ACVR1: variants seen among roughly 807,000 people sequenced by gnomAD.
ACVR1 encodes the protein activin A receptor type 1, also known as activin receptor type-1.
Under a neutral mutation model 57.1 loss-of-function variants are expected in ACVR1, and 38 were observed. The ratio of observed to expected loss-of-function variants is 0.67; its 90% CI spans 0.51 to 0.87. The LOEUF (loss-of-function observed/expected upper bound fraction) is 0.87. Ranked by LOEUF, ACVR1 falls within the 40% of genes least tolerant of loss-of-function variation. ACVR1 has a pLI of 0.00. For missense variants in ACVR1, 463 were observed against 638.2 expected (o/e 0.73, Z 2.96); for synonymous variants, 212 against 228.1 (o/e 0.93, Z 0.63).
At chr2:157,780,727 T>G in intron 3 of ACVR1, 127 bp from the exon 4 acceptor site, 1 of 1,171,878 alleles carries the variant, frequency 8.5e-7, no homozygotes, top group Middle Eastern at 2.2e-4. Context: ...AGCATCACCA[T>G]CAACCATGAG....
At chr2:157,769,163 C>T (rs987102166) in intron 7 of ACVR1, among the ~76,000 whole-genome samples, 2 of 152,064 alleles carry the variant, frequency 1.3e-5, no homozygotes, top group African/African-American at 2.4e-5. Context: ...ATGTTTGTGG[C>T]GATCTCAAGG....
intron 1 of ACVR1, among the ~76,000 whole-genome samples, chr2:157,870,067 G>A (rs1007954952): frequency 6.6e-6 from 1 of 152,184 alleles, no homozygotes; most frequent in Non-Finnish European, 1.5e-5. Context: ...TGCAATAGTG[G>A]AAGTTTCGGA....
chr2:157,866,091 G>A (rs1689920439), intron 1 of ACVR1, among the ~76,000 whole-genome samples: 1 of 151,882 alleles, frequency 6.6e-6, no homozygotes, highest in Non-Finnish European at 1.5e-5. Flanking sequence ...TTTATTTCTA[G>A]GAAAAAATGT....
intron 3 of ACVR1, among the ~76,000 whole-genome samples, chr2:157,785,711 A>C (rs1686688950): frequency 6.6e-6 from 1 of 152,200 alleles, no homozygotes; most frequent in Non-Finnish European, 1.5e-5. Context: ...CCAAGAAGAA[A>C]ATGTATTTCA....
At chr2:157,851,459 G>A (rs980233590) in intron 1 of ACVR1, among the ~76,000 whole-genome samples, 3 of 152,080 alleles carry the variant, frequency 2.0e-5, no homozygotes, top group Non-Finnish European at 4.4e-5. Flanking sequence ...ACAGAAGTAT[G>A]AGCAACAAGG....
At chr2:157,787,546 C>G (rs989578857) in intron 3 of ACVR1, among the ~76,000 whole-genome samples, 2 of 152,126 alleles carry the variant, frequency 1.3e-5, no homozygotes, top group Non-Finnish European at 2.9e-5. Flanking sequence ...GGAAGAAAGT[C>G]CCAGTGAATT....
intron 3 of ACVR1, among the ~76,000 whole-genome samples, chr2:157,786,324 G>A (rs1215695339): frequency 2.0e-5 from 3 of 152,250 alleles, no homozygotes; most frequent in South Asian, 2.1e-4. Context: ...CCACAACAGC[G>A]TCAGTGGTTG....
At chr2:157,751,961 T>C (rs780256692) in intron 9 of ACVR1, among the ~76,000 whole-genome samples, 1 of 152,040 alleles carries the variant, frequency 6.6e-6, no homozygotes, top group Non-Finnish European at 1.5e-5. Context: ...CAGCTAATGC[T>C]CTCTTGAAAG....
At chr2:157,741,592 T>C (rs1264804549) in intron 9 of ACVR1, among the ~76,000 whole-genome samples, 3 of 146,484 alleles carry the variant, frequency 2.0e-5, no homozygotes, top group African/African-American at 7.6e-5. Context: ...GCCACTGCAC[T>C]ATAGCCTGGT....
rs967384801 is a variant in ACVR1, at chr2:157,811,705, G to A, written c.-8+6680C>T. On this transcript the variant is annotated intron_variant, in intron 2 of 10. Transcript: ENST00000434821. ...AAAACCCAACATCTCACCCAACAAA[G>A]TTAAAATTATTCCTCCTTCAAATAT... Among the ~76,000 whole-genome samples, 21 of 152,106 alleles carry A rather than the reference G, an allele frequency of 1.4e-4. No individual in the cohort carries two copies. In the East Asian group the frequency reaches 4.1e-3, roughly 29 times the overall value.
intron 1 of ACVR1, among the ~76,000 whole-genome samples, chr2:157,870,094 C>A (rs1377082879): frequency 6.6e-6 from 1 of 152,190 alleles, no homozygotes; most frequent in African/African-American, 2.4e-5. Flanking sequence ...TTTAAAACAT[C>A]ACTCAACCCA....
chr2:157,763,877 G>A (rs1685757757), intron 8 of ACVR1, among the ~76,000 whole-genome samples: 1 of 152,074 alleles, frequency 6.6e-6, no homozygotes, highest in Non-Finnish European at 1.5e-5. Context: ...GAATAATAAC[G>A]CCTTAACAGA....
At chr2:157,770,814 C>T (rs1264844424) in intron 6 of ACVR1, among the ~76,000 whole-genome samples, 1 of 152,114 alleles carries the variant, frequency 6.6e-6, no homozygotes, top group African/African-American at 2.4e-5. Context: ...TTAAATTCCT[C>T]TGTTGAAAGG....
At chr2:157,775,587 G>A (rs902107813) in intron 5 of ACVR1, among the ~76,000 whole-genome samples, 6 of 152,216 alleles carry the variant, frequency 3.9e-5, no homozygotes, top group African/African-American at 7.2e-5. Context: ...AGCATCCAAC[G>A]GAAGAAATTT....
intron 1 of ACVR1, among the ~76,000 whole-genome samples, chr2:157,851,156 C>T (rs147048143): frequency 2.0e-5 from 3 of 151,950 alleles, no homozygotes; most frequent in East Asian, 1.9e-4. Context: ...ACCTAGCAAA[C>T]GGAAAGTTAA....
At chr2:157,817,808 G>T (rs192537083) in intron 2 of ACVR1, among the ~76,000 whole-genome samples, 1 of 152,198 alleles carries the variant, frequency 6.6e-6, no homozygotes, top group East Asian at 1.9e-4. Flanking sequence ...AGACCAGCCT[G>T]GCCAATATGG....
Position 157,738,497 on chromosome 2 carries a change from C to T in ACVR1, c.1338G>A (p.Lys446=), listed in dbSNP as rs1684626999. The T allele has an allele frequency of 1.9e-6, 3 of 1,614,008 alleles. No individual in the cohort carries two copies. The highest frequency in any genetic ancestry group is 2.7e-5 in the African/African-American group (2 of 74,920). The change falls in exon 10 of 11, where the codon AAG becomes AAA. Residue 446 remains lysine, a synonymous_variant. Transcript: ENST00000434821. Reference sequence around the variant, plus strand: ...GCCTTTGTTGATCCACACAGACTACCTTCCTCATATCTTCAAAACTTGGGT... The same window carrying T: ...GCCTTTGTTGATCCACACAGACTACTTTCCTCATATCTTCAAAACTTGGGT... The part of the protein sequence containing the change: ...PNDPSFEDMR[K]VVCVDQQRPN...
At chr2:157,826,444 TTA>T (rs1415565547) in intron 1 of ACVR1, 2 of 152,070 alleles carry the variant, frequency 1.3e-5, no homozygotes, top group Non-Finnish European at 2.9e-5. Flanking sequence ...GGAGGATTAT[TTA>T]AGCCCAAGAG....
chr2:157,809,871 T>C (rs973872031), intron 2 of ACVR1, among the ~76,000 whole-genome samples: 11 of 152,008 alleles, frequency 7.2e-5, no homozygotes, highest in Middle Eastern at 6.3e-3. Context: ...GCCCAGGATC[T>C]CAAGACCAGC....
Sources: gnomAD v4.1 joint callset for allele counts (sites outside exome capture counted in the v4.1 genomes callset) on GRCh38, gnomAD v4.1.1 for gene constraint, MANE v1.5 for transcripts, NCBI Gene and HGNC (gene_info 2026-07-23, HGNC 2026-07-21) for gene names.